GABRA5: variants seen among roughly 807,000 people sequenced by gnomAD.
GABRA5 encodes the protein gamma-aminobutyric acid receptor subunit alpha-5.
In GABRA5, 18 loss-of-function variants were observed where a neutral mutation model predicts 47.3. The observed-to-expected ratio is 0.38, with a 90% CI of 0.26 to 0.56. GABRA5 has a LOEUF of 0.56. GABRA5 is among the 20% of genes least tolerant of loss of function. The pLI, the probability that GABRA5 is intolerant of heterozygous loss-of-function variation, is 0.71. For missense variants in GABRA5, 365 were observed against 599.3 expected (o/e 0.61, Z 4.08); for synonymous variants, 237 against 229.3 (o/e 1.03, Z -0.30).
At chr15:26,926,893 A>G (rs1893973570) in intron 7 of GABRA5, among the ~76,000 whole-genome samples, 1 of 152,136 alleles carries the variant, frequency 6.6e-6, no homozygotes, top group South Asian at 2.1e-4. Flanking sequence ...TATTTCCTAA[A>G]TTTTCATCTT....
chr15:26,915,016 G>T, intron 7 of GABRA5, 131 bp downstream of exon 7: 1 of 748,944 alleles, frequency 1.3e-6, no homozygotes, highest in South Asian at 1.6e-5. Flanking sequence ...AGCGTGGAGA[G>T]TGTATTGTTC....
At chr15:26,879,388 G>T (rs370771558) in intron 3 of GABRA5, among the ~76,000 whole-genome samples, 1 of 152,294 alleles carries the variant, frequency 6.6e-6, no homozygotes, top group African/African-American at 2.4e-5. Flanking sequence ...TAGGCTTAGT[G>T]CTATGTCTTT....
intron 6 of GABRA5, among the ~76,000 whole-genome samples, chr15:26,892,424 G>T (rs1271224431): frequency 2.0e-5 from 3 of 151,416 alleles, no homozygotes; most frequent in African/African-American, 4.8e-5. Context: ...CGCCCCGGGG[G>T]CCCAGCAGTG....
intron 3 of GABRA5, among the ~76,000 whole-genome samples, chr15:26,873,913 A>C (rs1008073304): frequency 6.6e-6 from 1 of 152,212 alleles, no homozygotes; most frequent in African/African-American, 2.4e-5. Flanking sequence ...AAAGAGGACT[A>C]TAGGGGAATG....
intron 10 of GABRA5, among the ~76,000 whole-genome samples, chr15:26,944,574 C>T (rs184444096): frequency 1.3e-5 from 2 of 152,266 alleles, no homozygotes; most frequent in East Asian, 1.9e-4. Flanking sequence ...GATCTGACTG[C>T]ACTGGGTGAT....
chr15:26,886,250 C>G (rs936124349), intron 6 of GABRA5, among the ~76,000 whole-genome samples: 2 of 152,054 alleles, frequency 1.3e-5, no homozygotes, highest in Non-Finnish European at 2.9e-5. Flanking sequence ...GAACTCCTGA[C>G]CTCAGGTGAT....
chr15:26,937,322 A>C lies in GABRA5; in HGVS notation c.718A>C (p.Ser240Arg). ...QTVGTENISTSTGEYTIMTAH... is the reference protein window; with the variant it reads ...QTVGTENISTRTGEYTIMTAH... Reference sequence around the variant, plus strand: ...GGTGGGCACTGAGAACATCAGCACCAGCACAGGTGAGGGCTCGGCACGCGC... The same window carrying C: ...GGTGGGCACTGAGAACATCAGCACCCGCACAGGTGAGGGCTCGGCACGCGC... The change falls in exon 8 of 11, where the codon AGC becomes CGC. Residue 240 changes from serine to arginine, a missense_variant. Around this residue, in one of 3 missense-constraint regions of GABRA5, gnomAD observed 216 missense variants for 335.3 expected, o/e 0.64. Transcript: ENST00000335625. 1 of 1,609,842 alleles carries C rather than the reference A, an allele frequency of 6.2e-7. No homozygotes were observed. Among genetic ancestry groups the C allele is most frequent in the South Asian group, 1.1e-5 (1 of 90,452 alleles).
intron 3 of GABRA5, among the ~76,000 whole-genome samples, chr15:26,876,116 C>T (rs1892591456): frequency 6.6e-6 from 1 of 152,138 alleles, no homozygotes; most frequent in African/African-American, 2.4e-5. Flanking sequence ...AGGTATTTTG[C>T]TCCATCACCT....
At chr15:26,903,646 T>G (rs1347102145) in intron 6 of GABRA5, among the ~76,000 whole-genome samples, 1 of 152,196 alleles carries the variant, frequency 6.6e-6, no homozygotes, top group Non-Finnish European at 1.5e-5. Flanking sequence ...GTAATAGCCA[T>G]TTGACTGGTG....
chr15:26,943,525 C>T (rs192324022), intron 10 of GABRA5, 99 bp downstream of exon 10: 52 of 1,066,814 alleles, frequency 4.9e-5, no homozygotes, highest in African/African-American at 3.0e-4. Context: ...CCTTCCTACC[C>T]GCCAGCCCCC....
intron 6 of GABRA5, among the ~76,000 whole-genome samples, chr15:26,904,729 A>G (rs1340042360): frequency 6.6e-6 from 1 of 152,018 alleles, no homozygotes; most frequent in East Asian, 1.9e-4. Context: ...TGTGGTAATC[A>G]TGAATGGGAT....
chr15:26,868,551 T>C (rs1343622154), intron 1 of GABRA5, among the ~76,000 whole-genome samples, 178 bp from the exon 2 acceptor site: 1 of 152,172 alleles, frequency 6.6e-6, no homozygotes, highest in Middle Eastern at 3.2e-3. Context: ...TTAATTAGGG[T>C]CCAGCATTGA....
At chr15:26,876,904 G>C (rs1358785110) in intron 3 of GABRA5, among the ~76,000 whole-genome samples, 1 of 152,182 alleles carries the variant, frequency 6.6e-6, no homozygotes, top group Non-Finnish European at 1.5e-5. Flanking sequence ...CTGGGAGGAG[G>C]AACAGGGCTG....
chr15:26,940,520 C>A (rs1182003704), intron 9 of GABRA5, among the ~76,000 whole-genome samples: 2 of 151,666 alleles, frequency 1.3e-5, no homozygotes, highest in South Asian at 4.1e-4. Context: ...GGAGCATTTT[C>A]TTTGAGCATT....
At chr15:26,937,901 A>T (rs187976755) in intron 8 of GABRA5, among the ~76,000 whole-genome samples, 185 of 152,338 alleles carry the variant, frequency 1.2e-3, no homozygotes, top group African/African-American at 4.2e-3. Flanking sequence ...CCTGCAAGTT[A>T]TGTGGCCAGA....
intron 7 of GABRA5, among the ~76,000 whole-genome samples, chr15:26,918,033 A>G (rs1173749600): frequency 2.0e-5 from 3 of 151,288 alleles, no homozygotes; most frequent in Non-Finnish European, 3.0e-5. Flanking sequence ...TTGTTTTTAG[A>G]TTCCCTACTT....
chr15:26,943,933 A>G (rs1894449578), intron 10 of GABRA5, among the ~76,000 whole-genome samples: 1 of 152,208 alleles, frequency 6.6e-6, no homozygotes, highest in Non-Finnish European at 1.5e-5. Flanking sequence ...AAGTATTTAA[A>G]GGATGATTTA....
At chr15:26,944,343 G>C (rs1440138145) in intron 10 of GABRA5, among the ~76,000 whole-genome samples, 4 of 152,228 alleles carry the variant, frequency 2.6e-5, no homozygotes, top group African/African-American at 9.6e-5. Context: ...AGGAGTTCTG[G>C]CCTGACCTCG....
intron 6 of GABRA5, among the ~76,000 whole-genome samples, chr15:26,907,183 A>G (rs1460751341): frequency 6.6e-6 from 1 of 152,192 alleles, no homozygotes; most frequent in Admixed American, 6.5e-5. Context: ...ATTTGGATCT[A>G]TTTTTAAAAA....
Sources: allele counts gnomAD v4.1 joint callset (sites outside exome capture counted in the v4.1 genomes callset), GRCh38; gene constraint gnomAD v4.1.1; regional missense constraint gnomAD v4.1.1; transcripts MANE v1.5; gene names NCBI Gene and HGNC (gene_info 2026-07-23, HGNC 2026-07-21).